Variants in RMI1 observed in about 807,000 individuals in gnomAD.
RMI1 encodes recQ-mediated genome instability protein 1.
A neutral mutation model predicts 46.7 loss-of-function variants in RMI1; 36 were observed. The ratio of observed to expected loss-of-function variants is 0.77; its 90% CI spans 0.59 to 1.02. RMI1 has a LOEUF of 1.02. RMI1 is among the 50% of genes least tolerant of loss of function. The probability of loss-of-function intolerance (pLI) is 0.00; values close to 1 mark genes in which losing one functional copy is unlikely to be tolerated. For missense variants in RMI1, 676 were observed against 713.7 expected (o/e 0.95, Z 0.60); for synonymous variants, 250 against 252.9 (o/e 0.99, Z 0.11).
chr9:83,991,259 ATTTC>A (rs904557064), intron 1 of RMI1, among the ~76,000 whole-genome samples: 10 of 148,240 alleles, frequency 6.7e-5, no homozygotes, highest in South Asian at 2.1e-4. Context: ...GACGTTTTAA[ATTTC>A]TTTCTTTTAT....
Position 84,002,187 on chromosome 9 carries a change from A to G in RMI1, c.1201A>G (p.Ile401Val). The change falls in exon 3 of 3, where the codon ATT becomes GTT. Residue 401 changes from isoleucine to valine, a missense_variant. By Grantham distance (29) the Ile-to-Val change is conservative. Transcript: ENST00000445877. ...ATCTGTTAGAGACCAAAACAGGAGT[A>G]TTTTTTCAGTTCATTGTAATGTACC... The part of the protein sequence containing the change: ...CPSVRDQNRS[I>V]FSVHCNVPLA... 1 of 1,613,644 alleles carries G rather than the reference A, an allele frequency of 6.2e-7. No individual in the cohort carries two copies. Among genetic ancestry groups the G allele is most frequent in the South Asian group, 1.1e-5 (1 of 91,052 alleles).
At chr9:83,981,563 A>G (rs959919175) in intron 1 of RMI1, among the ~76,000 whole-genome samples, 6 of 152,106 alleles carry the variant, frequency 3.9e-5, no homozygotes, top group East Asian at 1.9e-4. Flanking sequence ...GTCACTTTCA[A>G]TCGGTGACAG....
chr9:83,985,416 G>T (rs901548229), intron 1 of RMI1, among the ~76,000 whole-genome samples: 19 of 152,180 alleles, frequency 1.2e-4, no homozygotes, highest in African/African-American at 4.1e-4. Context: ...TTTGAGAATA[G>T]TTGTATTGGA....
intron 1 of RMI1, among the ~76,000 whole-genome samples, chr9:83,999,389 G>A (rs566130415): frequency 6.6e-6 from 1 of 152,092 alleles, no homozygotes; most frequent in Non-Finnish European, 1.5e-5. Flanking sequence ...AATCAGATAA[G>A]GATAAGTAGG....
Position 84,001,471 on chromosome 9 carries a change from C to T in RMI1, c.485C>T (p.Pro162Leu), listed in dbSNP as rs1235369712. The T allele has an allele frequency of 1.2e-6, 2 of 1,614,028 alleles. No individual in the cohort carries two copies. Among genetic ancestry groups the T allele is most frequent in the East Asian group, 2.2e-5 (1 of 44,880 alleles). ...QPIPILHSDL[P>L]PGTKILIYGN... ...ATTCCAATTCTTCATAGTGATCTTC[C>T]TCCAGGTACAAAAATTTTGATTTAT... Residue 162 changes from proline (P) to leucine (L), a missense_variant, in exon 3 of 3, where the codon CCT (proline) becomes CTT (leucine). Transcript: ENST00000445877.
chr9:84,001,678 G>A lies in RMI1; in HGVS notation c.692G>A (p.Arg231Lys), dbSNP rs1957738720. 6.2e-7 allele frequency: 1 copy of A among 1,613,912 alleles called. No homozygotes were observed. ...AACAATTCTAACGAAAACATTCCCA[G>A]AGTTACAGATGTTCTAGATCCTGCA... ...IPNNSNENIP[R>K]VTDVLDPALG... Residue 231 changes from arginine to lysine, a missense_variant, in exon 3 of 3, where the codon AGA becomes AAA. Transcript: ENST00000445877.
chr9:84,000,925 TA>T, intron 2 of RMI1, 25 bp from the exon 3 acceptor site: 1 of 1,215,754 alleles, frequency 8.2e-7, no homozygotes, highest in Non-Finnish European at 1.2e-6. Flanking sequence ...CTGAATTATC[TA>T]AATTTTTTTG....
chr9:83,992,552 C>T (rs565732025), intron 1 of RMI1, among the ~76,000 whole-genome samples: 9 of 151,812 alleles, frequency 5.9e-5, no homozygotes, highest in Non-Finnish European at 1.2e-4. Flanking sequence ...ACCAAAAAGG[C>T]ACAATATCAC....
In RMI1 at chr9:84,002,492, A is replaced by G; in HGVS notation, c.1506A>G (p.Pro502=). The change falls in exon 3 of 3, where the codon CCA becomes CCG. Residue 502 remains proline, a synonymous_variant. Transcript: ENST00000445877. ...VYLSVLMASK[P]KEVTTVKVKA... ...TGTCTGTTCTAATGGCCAGCAAACC[A>G]AAGGAAGTTACAACAGTGAAAGTGA... 6.2e-7 allele frequency: 1 copy of G among 1,614,016 alleles called. No homozygotes were observed. The highest frequency in any genetic ancestry group is 1.1e-5 in the South Asian group (1 of 91,082).
In RMI1 at chr9:84,001,026, CTT is replaced by C. The variant is rs1957728541; in HGVS notation, c.43_44del (p.Leu15SerfsTer6). ...TSIALRAETW[L>X]LAAWHVKVPP... ...TATTGCATTAAGAGCTGAAACTTGG[CTT>C]TTAGCTGCATGGCATGTTAAAGTAC... is the stretch of plus-strand genomic sequence containing the variant. On this transcript the variant is annotated frameshift_variant, in exon 3 of 3. Coordinates refer to ENST00000445877, the MANE Select transcript of RMI1 (RefSeq NM_001358291.2). LOFTEE classifies it high-confidence loss of function. 9.3e-6 allele frequency: 15 copies of C among 1,612,734 alleles called. No individual in the cohort carries two copies. The highest frequency in any genetic ancestry group is 1.2e-5 in the Non-Finnish European group (14 of 1,179,452).
intron 1 of RMI1, among the ~76,000 whole-genome samples, chr9:83,996,571 A>G (rs903910696): frequency 1.3e-5 from 2 of 152,148 alleles, no homozygotes; most frequent in Admixed American, 1.3e-4. Context: ...AGTTTCTTGT[A>G]TATCCATCTA....
chr9:83,995,301 A>C (rs574867231), intron 1 of RMI1, among the ~76,000 whole-genome samples: 39 of 152,074 alleles, frequency 2.6e-4, no homozygotes, highest in African/African-American at 9.4e-4. Flanking sequence ...CCCGGCCTCA[A>C]CCATTACTTT....
intron 1 of RMI1, among the ~76,000 whole-genome samples, chr9:83,984,459 A>G (rs569519731): frequency 4.0e-5 from 6 of 151,248 alleles, no homozygotes; most frequent in African/African-American, 1.2e-4. Flanking sequence ...TTTAGTAGAG[A>G]TGGGGTTTCT....
In RMI1 at chr9:84,001,174, A is replaced by T; in HGVS notation, c.188A>T (p.Asp63Val). The change falls in exon 3 of 3, where the codon GAT becomes GTT. Residue 63 changes from aspartate (D) to valine (V), a missense_variant. Transcript: ENST00000445877. Reference sequence around the variant, plus strand: ...CAGTGGCTCCTTACTGATCTGAGGGATTTGGAGCATCCTCTTTTACCCGAT... The same window carrying T: ...CAGTGGCTCCTTACTGATCTGAGGGTTTTGGAGCATCCTCTTTTACCCGAT... ...FEQWLLTDLRDLEHPLLPDGI... is the reference protein window; with the variant it reads ...FEQWLLTDLRVLEHPLLPDGI... The T allele has an allele frequency of 6.2e-7, 1 of 1,614,132 alleles. No individual in the cohort carries two copies. Among genetic ancestry groups the T allele is most frequent in the East Asian group, 2.2e-5 (1 of 44,878 alleles).
intron 1 of RMI1, among the ~76,000 whole-genome samples, chr9:83,986,144 A>T (rs181997292): frequency 6.6e-6 from 1 of 152,376 alleles, no homozygotes; most frequent in African/African-American, 2.4e-5. Flanking sequence ...TTTATGTGCT[A>T]TGTTAGTAGG....
chr9:83,982,542 C>A (rs998244579), intron 1 of RMI1, among the ~76,000 whole-genome samples: 1 of 152,130 alleles, frequency 6.6e-6, no homozygotes, highest in Non-Finnish European at 1.5e-5. Flanking sequence ...GTTGCAGGAG[C>A]CTGTAGTCCC....
At chr9:83,994,365 C>A (rs1395570975) in intron 1 of RMI1, among the ~76,000 whole-genome samples, 1 of 152,164 alleles carries the variant, frequency 6.6e-6, no homozygotes, top group Non-Finnish European at 1.5e-5. Flanking sequence ...TCCAAGAAAT[C>A]ATAGCCCATT....
At chr9:83,981,026 C>T (rs1957372798) in intron 1 of RMI1, 135 bp downstream of exon 1, 1 of 152,394 alleles carries the variant, frequency 6.6e-6, no homozygotes, top group South Asian at 2.1e-4. Flanking sequence ...CCGTCTGCGT[C>T]CGCTGGGCCG....
At chr9:83,996,422 T>G (rs146740924) in intron 1 of RMI1, among the ~76,000 whole-genome samples, 240 of 152,320 alleles carry the variant, frequency 1.6e-3, no homozygotes, top group Non-Finnish European at 2.6e-3. Context: ...AGCTACACTG[T>G]TTTTAGCTAA....
Sources: gnomAD v4.1 joint callset for allele counts (sites outside exome capture counted in the v4.1 genomes callset) on GRCh38, gnomAD v4.1.1 for gene constraint, MANE v1.5 for transcripts, NCBI Gene and HGNC (gene_info 2026-07-23, HGNC 2026-07-21) for gene names.